Variants in WWTR1 observed in about 807,000 individuals in gnomAD.
WWTR1 encodes the protein WW domain containing transcription regulator 1, also known as WW domain-containing transcription regulator protein 1.
WWTR1 carries 13 observed loss-of-function variants against 40.1 expected under a neutral mutation model. The ratio of observed to expected loss-of-function variants is 0.32; its 90% CI spans 0.21 to 0.52. WWTR1 has a LOEUF of 0.52. Among genes scored for constraint, WWTR1 ranks in the 20% least tolerant of loss-of-function variants. The pLI, the probability that WWTR1 is intolerant of heterozygous loss-of-function variation, is 0.97. For missense variants in WWTR1, 436 were observed against 523.1 expected (o/e 0.83, Z 1.63); for synonymous variants, 230 against 210.1 (o/e 1.09, Z -0.82).
chr3:149,582,458 G>T lies in WWTR1; in HGVS notation c.432-9458C>A, dbSNP rs1209440428. 7.9e-5 allele frequency among the ~76,000 whole-genome samples: 12 copies of T among 152,110 alleles called. No individual in the cohort carries two copies. In the East Asian group the frequency reaches 2.3e-3, roughly 29 times the overall value. On this transcript the variant is annotated intron_variant, in intron 2 of 6. Coordinates refer to ENST00000360632, the MANE Select transcript of WWTR1 (RefSeq NM_015472.6). ...AAAAATGTATAGTCCAGACACAGTGGCTCACGCCTGTAATCCTAGCACTTT... is the reference window on the plus strand; with the variant it reads ...AAAAATGTATAGTCCAGACACAGTGTCTCACGCCTGTAATCCTAGCACTTT...
chr3:149,553,272 C>T (rs1011409658), intron 3 of WWTR1, among the ~76,000 whole-genome samples: 10 of 152,288 alleles, frequency 6.6e-5, no homozygotes, highest in African/African-American at 2.2e-4. Context: ...TGATCACCAA[C>T]GGATCACCAA....
intron 1 of WWTR1, among the ~76,000 whole-genome samples, chr3:149,694,376 A>T (rs1450490508): frequency 1.3e-5 from 2 of 152,230 alleles, no homozygotes; most frequent in Admixed American, 6.5e-5. Flanking sequence ...CCTGGGCGAC[A>T]GAGCAAGAGC....
intron 2 of WWTR1, among the ~76,000 whole-genome samples, chr3:149,624,483 G>C (rs1740455430): frequency 6.6e-6 from 1 of 152,194 alleles, no homozygotes. Context: ...ACAAGCCAGA[G>C]ACAGGAATCT....
intron 4 of WWTR1, among the ~76,000 whole-genome samples, chr3:149,718,961 G>T (rs1242656491): frequency 6.6e-6 from 1 of 151,832 alleles, no homozygotes; most frequent in Non-Finnish European, 1.5e-5. Flanking sequence ...GAGGAGCTGG[G>T]ATTACTGGTG....
At chr3:149,646,424 T>C (rs941223945) in intron 2 of WWTR1, among the ~76,000 whole-genome samples, 2 of 152,238 alleles carry the variant, frequency 1.3e-5, no homozygotes, top group African/African-American at 4.8e-5. Flanking sequence ...TACTTGGATG[T>C]CATAGCAATG....
intron 2 of WWTR1, among the ~76,000 whole-genome samples, chr3:149,637,174 T>C (rs1449455787): frequency 6.6e-6 from 1 of 151,978 alleles, no homozygotes; most frequent in East Asian, 1.9e-4. Context: ...AAAGCATCAA[T>C]TTCTGCCTGT....
chr3:149,616,209 G>C (rs1258058687), intron 2 of WWTR1, among the ~76,000 whole-genome samples: 1 of 152,080 alleles, frequency 6.6e-6, no homozygotes, highest in East Asian at 1.9e-4. Flanking sequence ...CTCAAATTCT[G>C]TTCCCTCAAA....
chr3:149,606,008 A>T (rs55711156), intron 2 of WWTR1, among the ~76,000 whole-genome samples: 1,983 of 152,304 alleles, frequency 0.013, 48 homozygotes, highest in African/African-American at 0.045. Context: ...GGCAGAGCCC[A>T]CATGGAATGG....
At chr3:149,589,314 G>C (rs948512604) in intron 2 of WWTR1, among the ~76,000 whole-genome samples, 1 of 152,204 alleles carries the variant, frequency 6.6e-6, no homozygotes, top group Non-Finnish European at 1.5e-5. Flanking sequence ...CATGCCTCAC[G>C]TAACTGTGTT....
chr3:149,590,877 C>G (rs1020704615), intron 2 of WWTR1, among the ~76,000 whole-genome samples: 2 of 152,158 alleles, frequency 1.3e-5, no homozygotes, highest in Non-Finnish European at 2.9e-5. Context: ...CTGACTTTGT[C>G]CTGGAACAAT....
intron 2 of WWTR1, among the ~76,000 whole-genome samples, chr3:149,623,363 C>A (rs1003735642): frequency 2.6e-5 from 4 of 151,246 alleles, no homozygotes; most frequent in African/African-American, 9.7e-5. Context: ...AACTACATCT[C>A]AAAAAAAAGA....
intron 3 of WWTR1, among the ~76,000 whole-genome samples, chr3:149,568,199 A>C (rs1462854149): frequency 2.6e-5 from 4 of 152,052 alleles, no homozygotes; most frequent in Admixed American, 2.6e-4. Context: ...CACCCTGGCC[A>C]ACATGGTGAA....
At chr3:149,628,286 T>C (rs970355616) in intron 2 of WWTR1, among the ~76,000 whole-genome samples, 4 of 152,064 alleles carry the variant, frequency 2.6e-5, no homozygotes, top group African/African-American at 7.2e-5. Context: ...AGGAGAATGG[T>C]GTGGACCCGG....
intron 2 of WWTR1, among the ~76,000 whole-genome samples, chr3:149,622,494 G>GAAAGAAAGAAAGAAAGA: frequency 4.5e-5 from 2 of 44,886 alleles, no homozygotes; most frequent in East Asian, 4.6e-4. Flanking sequence ...AGGAAGGAAG[G>GAAAGAAAGAAAGAAAGA]AAGGAAGGAA....
intron 2 of WWTR1, among the ~76,000 whole-genome samples, chr3:149,578,664 G>A (rs1262893281): frequency 1.3e-5 from 2 of 152,176 alleles, no homozygotes; most frequent in South Asian, 4.1e-4. Flanking sequence ...TTGGGAGGCC[G>A]AGGCGGGTGG....
chr3:149,714,014 C>A (rs1223791062), intron 5 of WWTR1, among the ~76,000 whole-genome samples: 1 of 152,244 alleles, frequency 6.6e-6, no homozygotes, highest in Non-Finnish European at 1.5e-5. Flanking sequence ...GGGAGCCCCC[C>A]AGATCCCACC....
chr3:149,558,762 C>A (rs1736957417), intron 3 of WWTR1, among the ~76,000 whole-genome samples: 1 of 152,102 alleles, frequency 6.6e-6, no homozygotes, highest in Non-Finnish European at 1.5e-5. Flanking sequence ...ATATATTCCT[C>A]AAAAATGTCA....
chr3:149,710,578 C>CCT (rs1559847495), intron 5 of WWTR1, among the ~76,000 whole-genome samples: 11 of 84,814 alleles, frequency 1.3e-4, no homozygotes, highest in African/African-American at 5.0e-4. Flanking sequence ...CCTCCCCCCC[C>CCT]CCCCTTTTTT....
At chr3:149,706,111 G>T (rs1715321648), upstream of WWTR1, among the ~76,000 whole-genome samples, 2 of 152,134 alleles carry the variant, frequency 1.3e-5, no homozygotes, top group South Asian at 4.1e-4. Flanking sequence ...CAGGAGGATT[G>T]CTTGTGCCTG....
Sources: gnomAD v4.1 joint callset for allele counts (sites outside exome capture counted in the v4.1 genomes callset) on GRCh38, gnomAD v4.1.1 for gene constraint, MANE v1.5 for transcripts, NCBI Gene and HGNC (gene_info 2026-07-23, HGNC 2026-07-21) for gene names.